The following CDK6 variants were observed in gnomAD, a reference collection of about 807,000 sequenced individuals.
CDK6 encodes cyclin-dependent kinase 6.
CDK6 carries 6 observed loss-of-function variants against 37.1 expected under a neutral mutation model. The observed-to-expected ratio is 0.16, with a 90% CI of 0.09 to 0.32. The LOEUF (loss-of-function observed/expected upper bound fraction) is 0.32, where lower values mean the gene tolerates loss of function less well. Among genes scored for constraint, CDK6 ranks in the 10% least tolerant of loss-of-function variants. The pLI is 1.00. For synonymous variants in CDK6, 160 were observed against 161.3 expected (o/e 0.99, Z 0.06); for missense variants, 224 against 418.9 (o/e 0.53, Z 4.06).
In CDK6 at chr7:92,726,759, T is replaced by A. The variant is rs554554259; in HGVS notation, c.370-966A>T. On this transcript the variant is annotated intron_variant, in intron 3 of 7. Transcript: ENST00000424848. ...AACAGAGTCTTGATTTAAACTAGGG[T>A]CTGGAAAACCTCGATTCAAATCTCC... 2.0e-5 allele frequency among the ~76,000 whole-genome samples: 3 copies of A among 152,250 alleles called. No individual in the cohort carries two copies. In the East Asian group the frequency reaches 5.8e-4, roughly 29 times the overall value.
Position 92,642,130 on chromosome 7 carries a change from A to G in CDK6, c.648-19044T>C, listed in dbSNP as rs369792282. On this transcript the variant is annotated intron_variant, in intron 5 of 7. Transcript: ENST00000424848. ...TGCCCTCTGGATTCTGTGAGGAACT[A>G]TGGAAAACAAGGGAAGACCAAGTAG... Among the ~76,000 whole-genome samples, 10 of 152,232 alleles carry G rather than the reference A, an allele frequency of 6.6e-5. No individual in the cohort carries two copies. The East Asian group carries it at 1.4e-3, about 21-fold the overall frequency.
chr7:92,713,553 A>C (rs1798150586), intron 4 of CDK6, among the ~76,000 whole-genome samples: 1 of 152,042 alleles, frequency 6.6e-6, no homozygotes, highest in Admixed American at 6.6e-5. Context: ...TATGATTAGA[A>C]TGAGTATCAC....
At chr7:92,664,564 C>T (rs866027676) in intron 5 of CDK6, among the ~76,000 whole-genome samples, 5 of 152,288 alleles carry the variant, frequency 3.3e-5, no homozygotes, top group East Asian at 1.9e-4. Context: ...AAATCAATGA[C>T]GACAAGCCTA....
At chr7:92,622,854 G>T (rs1795834119) in intron 6 of CDK6, among the ~76,000 whole-genome samples, 182 bp downstream of exon 6, 1 of 152,044 alleles carries the variant, frequency 6.6e-6, no homozygotes, top group Admixed American at 6.6e-5. Flanking sequence ...AGCAGTTAGG[G>T]CTCTGCATAA....
At chr7:92,641,992 T>C (rs774792315) in intron 5 of CDK6, among the ~76,000 whole-genome samples, 4 of 152,164 alleles carry the variant, frequency 2.6e-5, no homozygotes, top group Non-Finnish European at 5.9e-5. Context: ...GACACCATCA[T>C]TTTCATCTGA....
At chr7:92,625,219 A>AAC (rs71699291) in intron 5 of CDK6, among the ~76,000 whole-genome samples, 12,697 of 141,836 alleles carry the variant, frequency 0.09, 568 homozygotes, top group Non-Finnish European at 0.099. Context: ...GTGGTAACTA[A>AAC]ACACACACAC....
rs890695210 is a variant in CDK6 at position 92,789,236 on chromosome 7, A to T, written c.234-14405T>A. On this transcript the variant is annotated intron_variant, in intron 2 of 7. Coordinates refer to ENST00000424848, the MANE Select transcript of CDK6 (RefSeq NM_001145306.2). ...GAAGGCAAAATTAAGACATTCTCAG[A>T]TAAACAAAAGCTGAGGGAGTTTTTT... Among the ~76,000 whole-genome samples, 5 of 152,208 alleles carry T rather than the reference A, an allele frequency of 3.3e-5. No individual in the cohort carries two copies. In the East Asian group the frequency reaches 9.6e-4, roughly 29 times the overall value.
At position 92,628,508 on chromosome 7, in the gene CDK6, G is replaced by T. The variant is rs993347775; in HGVS notation, c.648-5422C>A. ...TTTACTGCCCAGTTTGGCTATAATT[G>T]GAACTCAATTAATACATGCTGAGTG... On this transcript the variant is annotated intron_variant, in intron 5 of 7. Transcript: ENST00000424848. 3.9e-5 allele frequency among the ~76,000 whole-genome samples: 6 copies of T among 152,026 alleles called. 1 individual carries two copies. The highest frequency in any genetic ancestry group is 7.4e-5 in the Non-Finnish European group (5 of 67,992).
At chr7:92,815,670 G>C (rs1379570560) in intron 2 of CDK6, among the ~76,000 whole-genome samples, 1 of 152,154 alleles carries the variant, frequency 6.6e-6, no homozygotes, top group African/African-American at 2.4e-5. Flanking sequence ...GTCTTGCCCA[G>C]CTGGGTAGGC....
chr7:92,830,946 T>A (rs950205207), intron 2 of CDK6, among the ~76,000 whole-genome samples: 1 of 152,232 alleles, frequency 6.6e-6, no homozygotes, highest in African/African-American at 2.4e-5. Context: ...AGCTGCTCCA[T>A]GGCAAGAGAC....
chr7:92,801,634 T>C (rs1422249116), intron 2 of CDK6, among the ~76,000 whole-genome samples: 1 of 151,388 alleles, frequency 6.6e-6, no homozygotes, highest in Non-Finnish European at 1.5e-5. Context: ...TCCTTCCTTC[T>C]TCCCTCCCTT....
chr7:92,821,340 G>T (rs1198771225), intron 2 of CDK6, among the ~76,000 whole-genome samples: 2 of 152,060 alleles, frequency 1.3e-5, no homozygotes, highest in Non-Finnish European at 2.9e-5. Flanking sequence ...TCCAGCTAAT[G>T]TCCCAGACAT....
chr7:92,829,707 G>T (rs577292781), intron 2 of CDK6, among the ~76,000 whole-genome samples: 128 of 152,272 alleles, frequency 8.4e-4, no homozygotes, highest in African/African-American at 3.0e-3. Context: ...TCTTCAAAAA[G>T]CACTTGATTC....
At chr7:92,761,452 G>A (rs1205533558) in intron 3 of CDK6, among the ~76,000 whole-genome samples, 1 of 152,078 alleles carries the variant, frequency 6.6e-6, no homozygotes. Flanking sequence ...AAATTTACAA[G>A]CAAACTCAGC....
chr7:92,788,188 CATTTT>C (rs1411181799), intron 2 of CDK6, among the ~76,000 whole-genome samples: 1 of 152,052 alleles, frequency 6.6e-6, no homozygotes, highest in Non-Finnish European at 1.5e-5. Context: ...TCTATAAGTC[CATTTT>C]ATTTTAGAGT....
At chr7:92,691,951 G>A (rs141445670) in intron 4 of CDK6, among the ~76,000 whole-genome samples, 320 of 152,312 alleles carry the variant, frequency 2.1e-3, no homozygotes, top group Middle Eastern at 0.017. Context: ...CCACAGGACT[G>A]AAAAGTATTA....
At chr7:92,792,571 T>A (rs1340238643) in intron 2 of CDK6, among the ~76,000 whole-genome samples, 9 of 152,076 alleles carry the variant, frequency 5.9e-5, no homozygotes, top group Non-Finnish European at 1.2e-4. Context: ...TATACTCCCA[T>A]AGTGATATCT....
In CDK6 at chr7:92,614,049, AGT is replaced by A; in HGVS notation, c.*1089_*1090del. ...AAGATGGATACTTTGCCAACAAGGC[AGT>A]GTGTGGCAGAAAGTACAGTGTAATA... On this transcript the variant is annotated 3_prime_UTR_variant, in exon 8 of 8. Coordinates refer to ENST00000424848, the MANE Select transcript of CDK6 (RefSeq NM_001145306.2). 4.3e-6 allele frequency: 1 copy of A among 233,276 alleles called. No homozygotes were observed. The allele number at this position is 233,276 out of a possible 1,614,324, so 14.5% of individuals were successfully genotyped here.
intron 4 of CDK6, among the ~76,000 whole-genome samples, chr7:92,700,495 G>A (rs1797818529): frequency 6.6e-6 from 1 of 152,224 alleles, no homozygotes; most frequent in South Asian, 2.1e-4. Context: ...TAAGTCCCAG[G>A]TTTCTGGCCT....
Sources: gnomAD v4.1 joint callset for allele counts (sites outside exome capture counted in the v4.1 genomes callset) on GRCh38, gnomAD v4.1.1 for gene constraint, MANE v1.5 for transcripts, NCBI Gene and HGNC (gene_info 2026-07-23, HGNC 2026-07-21) for gene names.